Variants in FOCAD observed in about 807,000 individuals in gnomAD.
FOCAD encodes focadhesin.
FOCAD carries 198 observed loss-of-function variants against 225.6 expected under a neutral mutation model. That is an observed-to-expected ratio of 0.88 (90% CI 0.78 to 0.99). The LOEUF (loss-of-function observed/expected upper bound fraction) is 0.99, where lower values mean the gene tolerates loss of function less well. Among genes scored for constraint, FOCAD ranks in the 50% least tolerant of loss-of-function variants. The pLI, the probability that FOCAD is intolerant of heterozygous loss-of-function variation, is 0.00. For synonymous variants in FOCAD, 897 were observed against 755.0 expected (o/e 1.19, Z -3.08); for missense variants, 2,713 against 2,123.6 (o/e 1.28, Z -5.46).
chr9:20,822,705 G>A (rs1303667582), intron 14 of FOCAD, among the ~76,000 whole-genome samples: 1 of 151,944 alleles, frequency 6.6e-6, no homozygotes, highest in Non-Finnish European at 1.5e-5. Flanking sequence ...ACAGCCTTGA[G>A]TTTTTCTCAA....
Position 20,823,107 on chromosome 9 carries a change from C to G in FOCAD, c.1912C>G (p.Gln638Glu), listed in dbSNP as rs1824505456. 1.2e-6 allele frequency: 2 copies of G among 1,605,320 alleles called. No homozygotes were observed. The highest frequency in any genetic ancestry group is 1.7e-6 in the Non-Finnish European group (2 of 1,176,840). ...ATTACAGGGTCTTCATGCACTCTGT[C>G]AAGCTGAGGTAGGCATTTTTAAATT... ...LVLQGLHALC[Q>E]AEVVCIRSTW... is the part of the protein sequence containing the mutation. Residue 638 changes from glutamine to glutamate, a missense_variant, in exon 15 of 44, where the codon CAA becomes GAA. By Grantham distance (29) the Gln-to-Glu change is conservative. Coordinates refer to ENST00000338382, the MANE Select transcript of FOCAD (RefSeq NM_001375567.1).
At chr9:20,778,617 T>C (rs1819040534) in intron 8 of FOCAD, 64 bp from the exon 9 acceptor site, 1 of 821,838 alleles carries the variant, frequency 1.2e-6, no homozygotes, top group East Asian at 2.5e-5. Context: ...CCTGGATACA[T>C]GTTACAAAGC....
At chr9:20,767,853 T>G (rs377706691) in intron 7 of FOCAD, among the ~76,000 whole-genome samples, 350 of 151,682 alleles carry the variant, frequency 2.3e-3, no homozygotes, top group African/African-American at 4.2e-3. Flanking sequence ...GTCAATTTTG[T>G]CTTTTGTTGC....
intron 5 of FOCAD, among the ~76,000 whole-genome samples, chr9:20,746,648 T>C (rs1828060171): frequency 6.6e-6 from 1 of 152,128 alleles, no homozygotes; most frequent in Non-Finnish European, 1.5e-5. Context: ...CATTCAAGAG[T>C]GTGTTTTCTA....
chr9:20,873,095 T>G (rs1488057660), intron 18 of FOCAD, among the ~76,000 whole-genome samples: 1 of 152,140 alleles, frequency 6.6e-6, no homozygotes, highest in Non-Finnish European at 1.5e-5. Context: ...TGCATGAATG[T>G]TTTGAGGCTA....
chr9:20,974,986 C>T lies in FOCAD; in HGVS notation c.4133-1434C>T, dbSNP rs141688833. On this transcript the variant is annotated intron_variant, in intron 35 of 43. Coordinates refer to ENST00000338382, the MANE Select transcript of FOCAD (RefSeq NM_001375567.1). The stretch of plus-strand genomic sequence containing the variant: ...TTTCCTTTTGCTGACTCTACTTCCA[C>T]GCTGATTCCCCCTTTTTCAGCATCT... Among the ~76,000 whole-genome samples, 10 of 152,268 alleles carry T rather than the reference C, an allele frequency of 6.6e-5. No individual in the cohort carries two copies. In the East Asian group the frequency reaches 1.4e-3, roughly 21 times the overall value.
chr9:20,990,353 A>T lies in FOCAD; in HGVS notation c.5235A>T (p.Pro1745=). The change falls in exon 42 of 44, where the codon CCA becomes CCT. Residue 1745 remains proline (P), a synonymous_variant. Coordinates refer to ENST00000338382, the MANE Select transcript of FOCAD (RefSeq NM_001375567.1). ...TGGCTCTGCTGCTGCAGAAAGAGCC[A>T]TGGAAGGAACAGACCCAGAAGGTGA... The part of the protein sequence containing the change: ...NSMALLLQKE[P]WKEQTQKFID... The T allele has an allele frequency of 6.2e-7, 1 of 1,613,836 alleles. No individual in the cohort carries two copies. The highest frequency in any genetic ancestry group is 1.1e-5 in the South Asian group (1 of 91,034).
intron 2 of FOCAD, among the ~76,000 whole-genome samples, chr9:20,661,310 A>T (rs1022889247): frequency 3.3e-5 from 5 of 152,342 alleles, no homozygotes; most frequent in Admixed American, 2.6e-4. Context: ...TGTCAGCACC[A>T]CTTAAAGATG....
At chr9:20,885,060 AAAAAAT>A (rs779606890) in intron 20 of FOCAD, 43 bp from the exon 21 acceptor site, 6 of 1,145,646 alleles carry the variant, frequency 5.2e-6, no homozygotes, top group Admixed American at 4.0e-5. Context: ...TTCTGTCTTA[AAAAAAT>A]AAAAATAAAA....
intron 5 of FOCAD, among the ~76,000 whole-genome samples, chr9:20,755,590 A>G (rs2130873232): frequency 6.6e-6 from 1 of 152,278 alleles, no homozygotes; most frequent in African/African-American, 2.4e-5. Flanking sequence ...AGAATATTGA[A>G]AAGCACTTCG....
chr9:20,788,420 C>T (rs1820166076), intron 10 of FOCAD, among the ~76,000 whole-genome samples: 1 of 152,100 alleles, frequency 6.6e-6, no homozygotes, highest in Non-Finnish European at 1.5e-5. Flanking sequence ...TACTAAAATC[C>T]AGTAAGTTAT....
intron 15 of FOCAD, among the ~76,000 whole-genome samples, chr9:20,856,927 A>G (rs565988453): frequency 3.9e-5 from 6 of 152,102 alleles, no homozygotes; most frequent in African/African-American, 1.2e-4. Flanking sequence ...TGCATTCTCT[A>G]TTCTGTTCTA....
intron 15 of FOCAD, among the ~76,000 whole-genome samples, chr9:20,824,300 A>G (rs996392927): frequency 1.3e-5 from 2 of 152,102 alleles, no homozygotes; most frequent in Non-Finnish European, 2.9e-5. Context: ...TTTTGAGAGA[A>G]GAAAGAATTC....
chr9:20,741,953 A>G (rs1353002263), intron 5 of FOCAD, among the ~76,000 whole-genome samples: 1 of 152,176 alleles, frequency 6.6e-6, no homozygotes, highest in African/African-American at 2.4e-5. Flanking sequence ...ATTTTTATGT[A>G]ACAGTTTTAT....
intron 4 of FOCAD, among the ~76,000 whole-genome samples, chr9:20,738,040 G>T (rs1162401333): frequency 6.6e-6 from 1 of 152,220 alleles, no homozygotes; most frequent in African/African-American, 2.4e-5. Flanking sequence ...ATAGTCCAGA[G>T]TTCTCAGTTA....
rs571275501 is a variant in FOCAD, at chr9:20,854,681, G to A, written c.1921-7897G>A. Among the ~76,000 whole-genome samples, 78 of 151,814 alleles carry A rather than the reference G, an allele frequency of 5.1e-4. 1 individual carries two copies. The highest frequency in any genetic ancestry group is 1.8e-3 in the African/African-American group (75 of 41,498). On this transcript the variant is annotated intron_variant, in intron 15 of 43. Coordinates refer to ENST00000338382, the MANE Select transcript of FOCAD (RefSeq NM_001375567.1). ...AGTATCATTCTCCCCCAGCAACAAAGTATGCATAACATAAACACTTAGGCT... is the reference window on the plus strand; with the variant it reads ...AGTATCATTCTCCCCCAGCAACAAAATATGCATAACATAAACACTTAGGCT...
intron 39 of FOCAD, among the ~76,000 whole-genome samples, chr9:20,984,910 C>T (rs2132655176): frequency 6.6e-6 from 1 of 152,328 alleles, no homozygotes; most frequent in African/African-American, 2.4e-5. Context: ...AAGTGATTCG[C>T]CTGCCTCAGC....
chr9:20,794,689 A>G (rs951119476), intron 11 of FOCAD, among the ~76,000 whole-genome samples: 1 of 152,244 alleles, frequency 6.6e-6, no homozygotes, highest in African/African-American at 2.4e-5. Context: ...ATTTCAGAGA[A>G]GAACAGGAAA....
intron 35 of FOCAD, among the ~76,000 whole-genome samples, chr9:20,955,155 A>G (rs1373944047): frequency 2.6e-5 from 4 of 152,370 alleles, no homozygotes; most frequent in African/African-American, 7.2e-5. Context: ...AATGCTTAGC[A>G]TAGGCAGAAA....
Sources: gnomAD v4.1 joint callset for allele counts (sites outside exome capture counted in the v4.1 genomes callset) on GRCh38, gnomAD v4.1.1 for gene constraint, MANE v1.5 for transcripts, NCBI Gene and HGNC (gene_info 2026-07-23, HGNC 2026-07-21) for gene names.